The following EYS variants were observed in gnomAD, a reference collection of about 807,000 sequenced individuals.
EYS encodes the protein EGF-like photoreceptor maintenance factor, also known as protein eyes shut homolog.
EYS carries 250 observed loss-of-function variants against 282.1 expected under a neutral mutation model. The observed-to-expected ratio is 0.89, with a 90% CI of 0.80 to 0.98. The LOEUF (loss-of-function observed/expected upper bound fraction) is 0.98. EYS is among the 50% of genes least tolerant of loss of function. EYS has a pLI of 0.00. For synonymous variants in EYS, 1,355 were observed against 1,282.9 expected, an observed-to-expected ratio of 1.06 and a Z score of -1.20; for missense variants, 4,016 against 3,709.0, an observed-to-expected ratio of 1.08 and a Z score of -2.15.
chr6:65,526,301 G>A (rs1767560401), intron 2 of EYS, among the ~76,000 whole-genome samples: 1 of 152,080 alleles, frequency 6.6e-6, no homozygotes, highest in Non-Finnish European at 1.5e-5. Context: ...ATCAAACCAC[G>A]GCAGGTGTAG....
intron 22 of EYS, among the ~76,000 whole-genome samples, chr6:64,723,596 T>C (rs143311066): frequency 6.6e-6 from 1 of 152,346 alleles, no homozygotes; most frequent in East Asian, 1.9e-4. Context: ...CATATGTTGA[T>C]GCAGCATCCG....
chr6:65,164,138 G>C (rs1431212344), intron 12 of EYS, among the ~76,000 whole-genome samples: 1 of 151,254 alleles, frequency 6.6e-6, no homozygotes, highest in African/African-American at 2.4e-5. Flanking sequence ...ATTCTCAGGG[G>C]AAAAAGTATA....
chr6:65,047,909 C>T (rs1471411928), intron 13 of EYS, among the ~76,000 whole-genome samples: 1 of 151,830 alleles, frequency 6.6e-6, no homozygotes, highest in Non-Finnish European at 1.5e-5. Context: ...GGAAGATAAC[C>T]TGATCAGTGG....
chr6:65,185,105 C>T (rs1765486451), intron 12 of EYS, among the ~76,000 whole-genome samples: 1 of 151,142 alleles, frequency 6.6e-6, no homozygotes, highest in African/African-American at 2.4e-5. Flanking sequence ...ATTGATATAA[C>T]ATTTCATTTT....
intron 26 of EYS, among the ~76,000 whole-genome samples, chr6:64,510,326 T>A (rs1187183019): frequency 1.3e-5 from 2 of 152,098 alleles, no homozygotes; most frequent in Non-Finnish European, 2.9e-5. Context: ...GCAAAAATGT[T>A]GAAAATATTT....
At chr6:65,124,191 G>GAATA (rs3036013) in intron 12 of EYS, among the ~76,000 whole-genome samples, 5,845 of 151,692 alleles carry the variant, frequency 0.039, 317 homozygotes, top group African/African-American at 0.12. Context: ...AAATATAAAG[G>GAATA]AATAAATAAA....
chr6:65,446,137 T>C (rs1768648316), intron 5 of EYS, among the ~76,000 whole-genome samples: 1 of 151,762 alleles, frequency 6.6e-6, no homozygotes, highest in Admixed American at 6.6e-5. Context: ...TTATCATATA[T>C]GTAGCAAATT....
At chr6:65,647,562 T>A (rs537356463) in intron 1 of EYS, among the ~76,000 whole-genome samples, 29 of 152,212 alleles carry the variant, frequency 1.9e-4, no homozygotes, top group African/African-American at 6.7e-4. Flanking sequence ...CCATAAAGAT[T>A]CTAGAATATA....
intron 22 of EYS, among the ~76,000 whole-genome samples, chr6:64,754,338 G>A (rs1353473158): frequency 6.6e-6 from 1 of 152,012 alleles, no homozygotes; most frequent in Non-Finnish European, 1.5e-5. Flanking sequence ...GAGTGAAATA[G>A]AATTAGTAAT....
chr6:64,665,294 T>C (rs9445105), intron 22 of EYS, among the ~76,000 whole-genome samples: 129 of 152,230 alleles, frequency 8.5e-4, no homozygotes, highest in Middle Eastern at 3.4e-3. Context: ...AATGCAAGAG[T>C]GAAGTAGAAA....
intron 1 of EYS, among the ~76,000 whole-genome samples, chr6:65,656,101 G>A (rs144106690): frequency 6.6e-5 from 10 of 151,834 alleles, no homozygotes; most frequent in Admixed American, 3.3e-4. Flanking sequence ...GCCCATATAA[G>A]ATCACAAACC....
chr6:64,675,433 T>C (rs979592980), intron 22 of EYS, among the ~76,000 whole-genome samples: 4 of 141,296 alleles, frequency 2.8e-5, no homozygotes, highest in African/African-American at 8.0e-5. Flanking sequence ...TTTTTCTTTT[T>C]TTTTTTTTTT....
At chr6:64,584,230 G>A (rs1264017936) in intron 26 of EYS, among the ~76,000 whole-genome samples, 1 of 151,768 alleles carries the variant, frequency 6.6e-6, no homozygotes, top group African/African-American at 2.4e-5. Context: ...ACAACATTAA[G>A]GTTCTGGAAG....
intron 15 of EYS, among the ~76,000 whole-genome samples, chr6:64,918,203 T>C (rs1318327332): frequency 6.6e-6 from 1 of 152,042 alleles, no homozygotes; most frequent in Non-Finnish European, 1.5e-5. Flanking sequence ...AAATCTATTG[T>C]AAAAAATATT....
At chr6:65,657,547 G>A (rs927594045) in intron 1 of EYS, among the ~76,000 whole-genome samples, 6 of 151,780 alleles carry the variant, frequency 4.0e-5, no homozygotes, top group African/African-American at 1.4e-4. Context: ...AGTGGGAGAG[G>A]AGCTGAAAGA....
intron 14 of EYS, among the ~76,000 whole-genome samples, chr6:64,995,165 A>C (rs1455119533): frequency 6.6e-6 from 1 of 152,158 alleles, no homozygotes; most frequent in Non-Finnish European, 1.5e-5. Context: ...GCTTCATGTC[A>C]TCATGACTGA....
At chr6:63,722,731 C>G (rs1173037733) in intron 42 of EYS, among the ~76,000 whole-genome samples, 1 of 152,162 alleles carries the variant, frequency 6.6e-6, no homozygotes, top group African/African-American at 2.4e-5. Flanking sequence ...ACTACTTCTT[C>G]CTCCCTCCAG....
chr6:65,548,466 C>G (rs1419382608), intron 2 of EYS, among the ~76,000 whole-genome samples: 1 of 152,100 alleles, frequency 6.6e-6, no homozygotes. Context: ...TCTGTAGACC[C>G]AGCACAGTAG....
rs192312512 is a variant in EYS at position 63,878,511 on chromosome 6, T to C, written c.7056-14153A>G. ...CACTACTCTCTTCAAAGCTGTCAGA[T>C]AGGGACGTTTAAGTCTGTAGAAGTT... On this transcript the variant is annotated intron_variant, in intron 35 of 42. Transcript: ENST00000503581. Among the ~76,000 whole-genome samples, 47 of 152,318 alleles carry C rather than the reference T, an allele frequency of 3.1e-4. No individual in the cohort carries two copies. In the East Asian group the frequency reaches 8.5e-3, roughly 28 times the overall value.
Sources: gnomAD v4.1 joint callset for allele counts (sites outside exome capture counted in the v4.1 genomes callset) on GRCh38, gnomAD v4.1.1 for gene constraint, MANE v1.5 for transcripts, NCBI Gene and HGNC (gene_info 2026-07-23, HGNC 2026-07-21) for gene names.